The following GUCD1 variants were observed in gnomAD, a reference collection of about 807,000 sequenced individuals.
The protein encoded by GUCD1 is protein GUCD1.
GUCD1 carries 17 observed loss-of-function variants against 28.3 expected under a neutral mutation model. The ratio of observed to expected loss-of-function variants is 0.60; its 90% confidence interval spans 0.41 to 0.90. GUCD1 has a LOEUF of 0.90. Among genes scored for constraint, GUCD1 ranks in the 40% least tolerant of loss-of-function variants. The pLI is 0.00. For synonymous variants in GUCD1, 129 were observed against 123.3 expected, an observed-to-expected ratio of 1.05 and a Z score of -0.30; for missense variants, 279 against 305.5, an observed-to-expected ratio of 0.91 and a Z score of 0.65.
intron 1 of GUCD1, among the ~76,000 whole-genome samples, chr22:24,552,662 C>T (rs1339345687): frequency 5.3e-5 from 8 of 151,346 alleles, no homozygotes; most frequent in African/African-American, 1.7e-4. Flanking sequence ...CCCAGCTACT[C>T]GGGAGGCTGA....
upstream of GUCD1, chr22:24,555,770 T>A (rs1390876831): frequency 3.9e-6 from 6 of 1,550,224 alleles, no homozygotes; most frequent in Non-Finnish European, 5.2e-6. Flanking sequence ...GTGAGCACCC[T>A]CTCTGGCTCT....
intron 1 of GUCD1, 25 bp downstream of exon 1, chr22:24,554,924 A>T (rs765724870): frequency 6.5e-7 from 1 of 1,541,082 alleles, no homozygotes; most frequent in African/African-American, 1.4e-5. Flanking sequence ...TAGGGTGAAG[A>T]CTGGGCCCAC....
intron 1 of GUCD1, among the ~76,000 whole-genome samples, chr22:24,551,695 C>CG (rs890497718): frequency 2.8e-5 from 4 of 140,646 alleles, no homozygotes; most frequent in African/African-American, 1.2e-4. Flanking sequence ...CTTTGAGAAA[C>CG]GAGGGAACTC....
At chr22:24,544,142 T>C in intron 4 of GUCD1, 59 bp from the exon 5 acceptor site, 1 of 1,575,292 alleles carries the variant, frequency 6.3e-7, no homozygotes, top group Non-Finnish European at 8.6e-7. Flanking sequence ...ATCCCTCAAA[T>C]GGATCCCTGC....
intron 3 of GUCD1, 87 bp downstream of exon 3, chr22:24,547,821 A>T (rs781079678): frequency 9.1e-6 from 13 of 1,420,818 alleles, no homozygotes; most frequent in Non-Finnish European, 1.2e-5. Flanking sequence ...CTAGCCCTTG[A>T]CTGTTCCCTC....
chr22:24,555,449 T>A, upstream of GUCD1: 1 of 1,141,648 alleles, frequency 8.8e-7, no homozygotes, highest in Middle Eastern at 2.2e-4. Flanking sequence ...GTCCCGCTCT[T>A]TTGCCAGTCC....
chr22:24,555,706 C>A (rs2045044297), upstream of GUCD1: 2 of 1,550,686 alleles, frequency 1.3e-6, no homozygotes, highest in Admixed American at 2.0e-5. Flanking sequence ...GGGCCCAAGC[C>A]CCGCGTCTCC....
In GUCD1 at chr22:24,548,088, G is replaced by A. The variant is rs377142280; in HGVS notation, c.129-15C>T. 32 of 1,611,230 alleles carry A rather than the reference G, an allele frequency of 2.0e-5. No individual in the cohort carries two copies. Among genetic ancestry groups the A allele is most frequent in the Non-Finnish European group, 2.7e-5 (32 of 1,178,378 alleles). On this transcript the variant is annotated splice_polypyrimidine_tract_variant and intron_variant, in intron 2 of 5. Transcript: ENST00000435822. ...GGCCCAGGTACCTGCAGGTAGACGAGCTGGGGAGCTCAGCTTGGTCTTGAG... is the reference window on the plus strand; with the variant it reads ...GGCCCAGGTACCTGCAGGTAGACGAACTGGGGAGCTCAGCTTGGTCTTGAG...
chr22:24,554,010 A>C (rs1175587781), intron 1 of GUCD1, among the ~76,000 whole-genome samples: 1 of 152,244 alleles, frequency 6.6e-6, no homozygotes, highest in East Asian at 1.9e-4. Context: ...GTCACTAAGG[A>C]AGGCAAGCAG....
intron 3 of GUCD1, chr22:24,547,663 A>C: frequency 2.0e-6 from 1 of 491,180 alleles, no homozygotes; most frequent in Non-Finnish European, 3.7e-6. Context: ...TGTAGAAGGC[A>C]GGTGGACAGG....
intron 4 of GUCD1, among the ~76,000 whole-genome samples, chr22:24,545,729 G>T (rs1194250058): frequency 2.0e-5 from 3 of 150,300 alleles, no homozygotes; most frequent in Non-Finnish European, 3.0e-5. Context: ...TCAGCCTCCC[G>T]AGTAGCTGGG....
chr22:24,550,897 G>A (rs1158369755), intron 1 of GUCD1, among the ~76,000 whole-genome samples: 4 of 151,934 alleles, frequency 2.6e-5, no homozygotes, highest in Non-Finnish European at 5.9e-5. Flanking sequence ...CCTAGGATGC[G>A]GCCCTTGCAT....
intron 4 of GUCD1, 119 bp from the exon 5 acceptor site, chr22:24,544,202 T>C: frequency 7.1e-7 from 1 of 1,418,030 alleles, no homozygotes; most frequent in Non-Finnish European, 9.5e-7. Flanking sequence ...CCTTTTCCCT[T>C]TGCCCTGAAC....
intron 2 of GUCD1, among the ~76,000 whole-genome samples, chr22:24,548,277 T>C (rs949777332): frequency 5.3e-5 from 8 of 152,244 alleles, no homozygotes; most frequent in African/African-American, 1.9e-4. Context: ...AGGCCTGGAC[T>C]CTGCTTCTCA....
At chr22:24,548,458 G>T (rs1404728651) in intron 2 of GUCD1, among the ~76,000 whole-genome samples, 1 of 152,214 alleles carries the variant, frequency 6.6e-6, no homozygotes, top group Non-Finnish European at 1.5e-5. Context: ...ATGTAAAACA[G>T]ATGAAGATGC....
chr22:24,548,827 TG>T, intron 2 of GUCD1, 89 bp downstream of exon 2: 2 of 959,290 alleles, frequency 2.1e-6, no homozygotes, highest in Non-Finnish European at 3.2e-6. Flanking sequence ...GATAGCTACA[TG>T]GACCATGGAT....
intron 5 of GUCD1, 101 bp downstream of exon 5, chr22:24,543,741 C>A (rs2044652019): frequency 4.8e-6 from 7 of 1,443,366 alleles, no homozygotes; most frequent in South Asian, 1.3e-5. Flanking sequence ...GGGAGGGAGG[C>A]CCTGGCCACA....
upstream of GUCD1, chr22:24,555,321 G>T: frequency 7.2e-7 from 1 of 1,391,864 alleles, no homozygotes; most frequent in South Asian, 1.7e-5. Flanking sequence ...TCGCGCAGAC[G>T]CGCAGCTCAC....
upstream of GUCD1, chr22:24,555,551 C>A: frequency 2.0e-6 from 3 of 1,514,262 alleles, no homozygotes; most frequent in Non-Finnish European, 1.8e-6. Context: ...AGCGGGCAGC[C>A]GCTCTACTCT....
Sources: allele counts gnomAD v4.1 joint callset (sites outside exome capture counted in the v4.1 genomes callset), GRCh38; gene constraint gnomAD v4.1.1; transcripts MANE v1.5; gene names NCBI Gene and HGNC (gene_info 2026-07-23, HGNC 2026-07-21).